ITPR1: variants seen among roughly 807,000 people sequenced by gnomAD.
ITPR1 encodes inositol 1,4,5-trisphosphate receptor type 1.
Under a neutral mutation model 318.4 loss-of-function variants are expected in ITPR1, and 96 were observed. The observed-to-expected ratio is 0.30, with a 90% CI of 0.26 to 0.36. The LOEUF (loss-of-function observed/expected upper bound fraction) is 0.36. Among genes scored for constraint, ITPR1 ranks in the 10% least tolerant of loss-of-function variants. ITPR1 has a pLI of 1.00. For missense variants in ITPR1, 2,440 were observed against 3,460.2 expected, an observed-to-expected ratio of 0.71 and a Z score of 7.40; for synonymous variants, 1,312 against 1,289.9, an observed-to-expected ratio of 1.02 and a Z score of -0.37.
intron 2 of ITPR1, among the ~76,000 whole-genome samples, chr3:4,513,724 A>T (rs1039527054): frequency 2.0e-5 from 3 of 152,212 alleles, no homozygotes; most frequent in Non-Finnish European, 2.9e-5. Context: ...CATCCGGAGT[A>T]TAAGAACATT....
At chr3:4,706,795 C>A (rs1027821872) in intron 37 of ITPR1, among the ~76,000 whole-genome samples, 4 of 152,174 alleles carry the variant, frequency 2.6e-5, no homozygotes, top group African/African-American at 9.7e-5. Flanking sequence ...TTCCTTCCAG[C>A]TAGATTATTT....
At chr3:4,627,001 A>G (rs2092850156) in intron 4 of ITPR1, among the ~76,000 whole-genome samples, 1 of 152,014 alleles carries the variant, frequency 6.6e-6, no homozygotes, top group Non-Finnish European at 1.5e-5. Context: ...TGTATTTTTT[A>G]GTAGAGACGG....
At position 4,496,325 on chromosome 3, in the gene ITPR1, G is replaced by GTA. The variant is rs780925236; in HGVS notation, c.-17+1820_-17+1821insAT. ...TTTTCTTTCAAGTTCATGTGTGTGTGTGTGTGTGTGTATGCATATGTACAC... is the reference window on the plus strand; with the variant it reads ...TTTTCTTTCAAGTTCATGTGTGTGTGTATGTGTGTGTGTATGCATATGTACAC... On this transcript the variant is annotated intron_variant, in intron 2 of 61. Coordinates refer to ENST00000649015, the MANE Select transcript of ITPR1 (RefSeq NM_001378452.1). 5.9e-5 allele frequency among the ~76,000 whole-genome samples: 9 copies of GTA among 152,060 alleles called. No individual in the cohort carries two copies. In the East Asian group the frequency reaches 1.7e-3, roughly 29 times the overall value.
chr3:4,563,951 T>TC (rs1274903246), intron 4 of ITPR1, among the ~76,000 whole-genome samples: 2 of 151,938 alleles, frequency 1.3e-5, no homozygotes, highest in African/African-American at 4.8e-5. Context: ...TCTTTTCTTT[T>TC]TTTTTTTTGA....
intron 4 of ITPR1, among the ~76,000 whole-genome samples, chr3:4,599,863 G>A (rs536359617): frequency 6.6e-6 from 1 of 152,230 alleles, no homozygotes; most frequent in South Asian, 2.1e-4. Flanking sequence ...GTAGGGTGTT[G>A]GATATAGTTG....
chr3:4,733,266 T>C lies in ITPR1; in HGVS notation c.5353+46T>C, dbSNP rs771438379. The C allele has an allele frequency of 5.6e-6, 9 of 1,601,368 alleles. No homozygotes were observed. In the Admixed American group the frequency reaches 1.3e-4, roughly 24 times the overall value. On this transcript the variant is annotated intron_variant, in intron 43 of 61. Transcript: ENST00000649015. ...ACCTTCGTGTGTGAATCAAGTGTGT[T>C]CTGTGATAGCTGCATGTTTCCTCCT... is the stretch of plus-strand genomic sequence containing the variant.
chr3:4,498,745 G>A lies in ITPR1; in HGVS notation c.-17+4239G>A, dbSNP rs139644985. On this transcript the variant is annotated intron_variant, in intron 2 of 61. Transcript: ENST00000649015. The stretch of plus-strand genomic sequence containing the variant: ...AGGAAAGTTTGACAAATAGGTGAAC[G>A]TACAGTTGACTTGGAGAGCAAATTG... 5.4e-3 allele frequency among the ~76,000 whole-genome samples: 824 copies of A among 152,338 alleles called. 3 individuals carry two copies. Among genetic ancestry groups the A allele is most frequent in the Non-Finnish European group, 8.7e-3 (595 of 68,022 alleles).
chr3:4,740,807 A>G (rs1458409728), intron 44 of ITPR1, among the ~76,000 whole-genome samples: 1 of 152,094 alleles, frequency 6.6e-6, no homozygotes, highest in Non-Finnish European at 1.5e-5. Context: ...CAGCCCGTGG[A>G]TTTTCCAGAA....
chr3:4,758,546 C>A (rs1365043071), intron 44 of ITPR1, among the ~76,000 whole-genome samples: 4 of 152,242 alleles, frequency 2.6e-5, no homozygotes, highest in Non-Finnish European at 1.5e-5. Flanking sequence ...TTCCCCTGAA[C>A]TTCCTGAATT....
At chr3:4,511,642 A>T (rs2081834812) in intron 2 of ITPR1, among the ~76,000 whole-genome samples, 1 of 152,122 alleles carries the variant, frequency 6.6e-6, no homozygotes, top group South Asian at 2.1e-4. Flanking sequence ...AGGTGCTCTT[A>T]TTCTCCCCAT....
intron 44 of ITPR1, among the ~76,000 whole-genome samples, chr3:4,763,256 T>C (rs1170151421): frequency 2.0e-5 from 3 of 152,170 alleles, no homozygotes; most frequent in Non-Finnish European, 4.4e-5. Flanking sequence ...CATGCTGGGC[T>C]TAATATGTAT....
At chr3:4,613,508 G>A (rs2639805) in intron 4 of ITPR1, among the ~76,000 whole-genome samples, 10,754 of 152,088 alleles carry the variant, frequency 0.071, 1,226 homozygotes, top group African/African-American at 0.24. Context: ...CTTGTCCTTG[G>A]GCCAGGGAAT....
intron 4 of ITPR1, among the ~76,000 whole-genome samples, chr3:4,569,144 T>A (rs578162584): frequency 4.9e-4 from 75 of 152,326 alleles, no homozygotes; most frequent in African/African-American, 1.7e-3. Flanking sequence ...GGGCAGGTTC[T>A]TTGATGCTCT....
intron 61 of ITPR1, among the ~76,000 whole-genome samples, chr3:4,839,029 A>G (rs751909814): frequency 6.6e-6 from 1 of 152,250 alleles, no homozygotes; most frequent in East Asian, 1.9e-4. Context: ...GAATTAGAGT[A>G]AAGAATACAG....
chr3:4,620,722 G>C (rs1250009313), intron 4 of ITPR1, among the ~76,000 whole-genome samples: 1 of 145,316 alleles, frequency 6.9e-6, no homozygotes, highest in Non-Finnish European at 1.5e-5. Flanking sequence ...ACAGTAAAGA[G>C]AGTAGAAAGG....
intron 4 of ITPR1, among the ~76,000 whole-genome samples, chr3:4,574,782 A>C (rs568890271): frequency 6.6e-6 from 1 of 152,206 alleles, no homozygotes; most frequent in Non-Finnish European, 1.5e-5. Context: ...TGGAACATCA[A>C]TTTTGCCTGT....
At chr3:4,607,871 T>A (rs1319434858) in intron 4 of ITPR1, among the ~76,000 whole-genome samples, 2 of 152,116 alleles carry the variant, frequency 1.3e-5, no homozygotes, top group Non-Finnish European at 1.5e-5. Flanking sequence ...CCTGCAGTAG[T>A]AATGGGTAAG....
chr3:4,694,169 C>T (rs1229151706), intron 33 of ITPR1, among the ~76,000 whole-genome samples: 1 of 150,952 alleles, frequency 6.6e-6, no homozygotes, highest in Non-Finnish European at 1.5e-5. Flanking sequence ...TTAGGAACTA[C>T]AGACAATCAA....
In ITPR1 at chr3:4,639,407, G is replaced by A. The variant is rs374450149; in HGVS notation, c.303G>A (p.Lys101=). ...AGCACGCTGCAGACTTGGAAAAGAA[G>A]CAGAATGAGACAGAAAACAGGAAAT... The part of the protein sequence containing the change: ...KLHHAADLEK[K]QNETENRKLL... The change falls in exon 6 of 62, where the codon AAG becomes AAA. Residue 101 remains lysine (K), a synonymous_variant. Coordinates refer to ENST00000649015, the MANE Select transcript of ITPR1 (RefSeq NM_001378452.1). The A allele has an allele frequency of 1.1e-5, 17 of 1,574,142 alleles. No homozygotes were observed. The highest frequency in any genetic ancestry group is 2.7e-5 in the African/African-American group (2 of 74,100).
Sources: gnomAD v4.1 joint callset for allele counts (sites outside exome capture counted in the v4.1 genomes callset) on GRCh38, gnomAD v4.1.1 for gene constraint, MANE v1.5 for transcripts, NCBI Gene and HGNC (gene_info 2026-07-23, HGNC 2026-07-21) for gene names.